Variants in LRP12 observed in about 807,000 individuals in gnomAD.
The protein encoded by LRP12 is LDL receptor related protein 12, also known as low-density lipoprotein receptor-related protein 12.
LRP12 carries 14 observed loss-of-function variants against 66.0 expected under a neutral mutation model. The ratio of observed to expected loss-of-function variants is 0.21; its 90% CI spans 0.14 to 0.33. LRP12 has a LOEUF of 0.33. Ranked by LOEUF, LRP12 falls within the 10% of genes least tolerant of loss-of-function variation. The pLI is 1.00. For missense variants in LRP12, 889 were observed against 1,053.4 expected (o/e 0.84, Z 2.16); for synonymous variants, 357 against 359.1 (o/e 0.99, Z 0.07).
intron 1 of LRP12, among the ~76,000 whole-genome samples, chr8:104,573,805 C>A (rs1812119897): frequency 6.6e-6 from 1 of 151,004 alleles, no homozygotes; most frequent in Admixed American, 6.6e-5. Context: ...GAAAATCAAG[C>A]AGAAGAAGAG....
chr8:104,522,781 ATCTCAT>A (rs1811171359), intron 2 of LRP12, among the ~76,000 whole-genome samples: 1 of 152,174 alleles, frequency 6.6e-6, no homozygotes, highest in Admixed American at 6.5e-5. Context: ...AGGAAAGCAA[ATCTCAT>A]TCTCTTATTC....
intron 1 of LRP12, among the ~76,000 whole-genome samples, chr8:104,587,431 T>G (rs1291447706): frequency 2.0e-5 from 3 of 152,132 alleles, no homozygotes; most frequent in Non-Finnish European, 4.4e-5. Flanking sequence ...TCAAAAGTCG[T>G]GTACTGGGTT....
At chr8:104,495,307 T>C in intron 5 of LRP12, 98 bp from the exon 6 acceptor site, 2 of 1,196,646 alleles carry the variant, frequency 1.7e-6, no homozygotes, top group South Asian at 1.4e-5. Flanking sequence ...AGTCTTGGCA[T>C]ATTTGATCAT....
At chr8:104,573,639 A>G (rs967700314) in intron 1 of LRP12, among the ~76,000 whole-genome samples, 3 of 152,062 alleles carry the variant, frequency 2.0e-5, no homozygotes, top group African/African-American at 7.2e-5. Flanking sequence ...TACAGTACCT[A>G]TATAGTTCAT....
At chr8:104,545,089 G>A (rs905151804) in intron 1 of LRP12, among the ~76,000 whole-genome samples, 1 of 152,178 alleles carries the variant, frequency 6.6e-6, no homozygotes, top group South Asian at 2.1e-4. Flanking sequence ...CAACCCTCAT[G>A]TATGACCTCT....
At chr8:104,584,097 AAAT>A (rs1812295140) in intron 1 of LRP12, among the ~76,000 whole-genome samples, 2 of 152,122 alleles carry the variant, frequency 1.3e-5, no homozygotes, top group South Asian at 4.1e-4. Context: ...AAATGGGAAT[AAAT>A]AATGTACATC....
chr8:104,495,053 T>C (rs371126325), intron 6 of LRP12, 24 bp downstream of exon 6: 168 of 1,601,346 alleles, frequency 1.0e-4, no homozygotes, highest in Non-Finnish European at 1.4e-4. Flanking sequence ...GGAAATGTAA[T>C]AGAAATTACA....
In LRP12 at chr8:104,588,856, C is replaced by T. The variant is rs369775848; in HGVS notation, c.42G>A (p.Arg14=). The T allele has an allele frequency of 6.2e-7, 1 of 1,612,404 alleles. No individual in the cohort carries two copies. Among genetic ancestry groups the T allele is most frequent in the African/African-American group, 1.3e-5 (1 of 74,992 alleles). ...CGAGGAAAAGCAAGAGCAACGCAGA[C>T]CTCCACCGCGGAGACTCTTTTGTGC... is the stretch of plus-strand genomic sequence containing the variant. ...RWSTKESPRW[R]SALLLLFLAG... Residue 14 remains arginine, a synonymous_variant, in exon 1 of 7, where the codon AGG becomes AGA. Transcript: ENST00000276654.
At chr8:104,521,277 T>C (rs1811146900) in intron 2 of LRP12, among the ~76,000 whole-genome samples, 1 of 151,888 alleles carries the variant, frequency 6.6e-6, no homozygotes, top group Non-Finnish European at 1.5e-5. Flanking sequence ...TTTTGGAGCA[T>C]TTTGATTTTT....
chr8:104,580,703 G>GAGAAATGCAAATCAA (rs1812237117), intron 1 of LRP12, among the ~76,000 whole-genome samples: 1 of 152,130 alleles, frequency 6.6e-6, no homozygotes, highest in Non-Finnish European at 1.5e-5. Flanking sequence ...TCACCAATCA[G>GAGAAATGCAAATCAA]AGAAATGCAA....
At chr8:104,550,645 C>T (rs946614808) in intron 1 of LRP12, among the ~76,000 whole-genome samples, 20 of 152,234 alleles carry the variant, frequency 1.3e-4, no homozygotes, top group African/African-American at 4.8e-4. Flanking sequence ...TCCTTCCCTT[C>T]ATGCACTATA....
At chr8:104,551,168 C>G (rs903829534) in intron 1 of LRP12, among the ~76,000 whole-genome samples, 7 of 148,138 alleles carry the variant, frequency 4.7e-5, no homozygotes, top group African/African-American at 1.1e-4. Context: ...TATGATGTAC[C>G]CTTTGCATGG....
intron 2 of LRP12, among the ~76,000 whole-genome samples, chr8:104,526,749 T>C: frequency 6.8e-6 from 1 of 147,982 alleles, no homozygotes. Context: ...ACCTAGGCAT[T>C]ACCATTCAGG....
At chr8:104,512,645 T>C (rs1040125850) in intron 2 of LRP12, among the ~76,000 whole-genome samples, 2 of 152,098 alleles carry the variant, frequency 1.3e-5, no homozygotes, top group African/African-American at 4.8e-5. Flanking sequence ...ACTAAATCGA[T>C]AGAATAATTA....
At chr8:104,547,651 AAATAT>A (rs537841908) in intron 1 of LRP12, among the ~76,000 whole-genome samples, 1,964 of 123,438 alleles carry the variant, frequency 0.016, 52 homozygotes, top group African/African-American at 0.058. Flanking sequence ...TTAATAATTA[AAATAT>A]AATATAATTC....
chr8:104,552,374 T>TG lies in LRP12; in HGVS notation c.80-20412dup, dbSNP rs1284279494. ...ATGTATAAATATGTCTTTTTTTTGT[T>TG]GTTTTTTTTTTTTTGCCGGGCGTGG... On this transcript the variant is annotated intron_variant, in intron 1 of 6. Transcript: ENST00000276654. Among the ~76,000 whole-genome samples, 3 of 150,870 alleles carry TG rather than the reference T, an allele frequency of 2.0e-5. No homozygotes were observed. In the East Asian group the frequency reaches 5.8e-4, roughly 29 times the overall value.
chr8:104,530,923 T>G lies in LRP12; in HGVS notation c.136+984A>C, dbSNP rs547131661. On this transcript the variant is annotated intron_variant, in intron 2 of 6. Coordinates refer to ENST00000276654, the MANE Select transcript of LRP12 (RefSeq NM_013437.5). Reference sequence around the variant, plus strand: ...AGTGAAACAAACTATGAAAAAAAATTGATGCAGGCACTGAAGCACTTGCTT... The same window carrying G: ...AGTGAAACAAACTATGAAAAAAAATGGATGCAGGCACTGAAGCACTTGCTT... 5.3e-5 allele frequency among the ~76,000 whole-genome samples: 8 copies of G among 152,258 alleles called. No individual in the cohort carries two copies. The East Asian group carries it at 1.5e-3, about 29-fold the overall frequency.
chr8:104,568,384 T>C (rs1427507765), intron 1 of LRP12, among the ~76,000 whole-genome samples: 1 of 152,126 alleles, frequency 6.6e-6, no homozygotes. Context: ...GATTCTTAGA[T>C]ATAATATCAA....
chr8:104,491,373 T>A lies in LRP12; in HGVS notation c.1880A>T (p.Glu627Val). ...ACTGGTACTCTGACTAGGGACAACC[T>A]CATCTCCATCTGCTGAGACCAAAGC... Reference protein sequence around the residue: ...SLALVSADGDEVVPSQSTSRE... With the variant: ...SLALVSADGDVVVPSQSTSRE... The change falls in exon 7 of 7, where the codon GAG becomes GTG. Residue 627 changes from glutamate (E) to valine (V), a missense_variant. Around this residue, in one of 3 missense-constraint regions of LRP12, gnomAD observed 800 missense variants for 964.5 expected, o/e 0.83. Transcript: ENST00000276654. 1.9e-6 allele frequency: 3 copies of A among 1,614,124 alleles called. No homozygotes were observed. Among genetic ancestry groups the A allele is most frequent in the Non-Finnish European group, 2.5e-6 (3 of 1,180,004 alleles).
Sources: gnomAD v4.1 joint callset for allele counts (sites outside exome capture counted in the v4.1 genomes callset) on GRCh38, gnomAD v4.1.1 for gene constraint, gnomAD v4.1.1 regional missense constraint, MANE v1.5 for transcripts, NCBI Gene and HGNC (gene_info 2026-07-23, HGNC 2026-07-21) for gene names.